The following FBXO36 variants were observed in gnomAD, a reference collection of about 807,000 sequenced individuals.
The protein encoded by FBXO36 is F-box protein 36, also known as F-box only protein 36.
FBXO36 carries 18 observed loss-of-function variants against 17.0 expected under a neutral mutation model. The observed-to-expected ratio is 1.06, with a 90% CI of 0.73 to 1.57. The LOEUF (loss-of-function observed/expected upper bound fraction) is 1.57. FBXO36 is among the 40% of genes most tolerant of loss of function. The pLI, the probability that FBXO36 is intolerant of heterozygous loss-of-function variation, is 0.00. For synonymous variants in FBXO36, 83 were observed against 85.3 expected (o/e 0.97, Z 0.15); for missense variants, 229 against 221.9 (o/e 1.03, Z -0.20).
At chr2:230,001,432 C>CGTCT (rs2077358057) in intron 3 of FBXO36, among the ~76,000 whole-genome samples, 1 of 151,752 alleles carries the variant, frequency 6.6e-6, no homozygotes, top group Non-Finnish European at 1.5e-5. Context: ...GGATTACAGG[C>CGTCT]ACCCACCACT....
chr2:229,986,469 A>C (rs1443642566), intron 2 of FBXO36, among the ~76,000 whole-genome samples: 2 of 152,100 alleles, frequency 1.3e-5, no homozygotes, highest in African/African-American at 4.8e-5. Flanking sequence ...ACACTCCAGT[A>C]TGGGCAACAG....
chr2:229,922,628 T>C lies in FBXO36; in HGVS notation c.96+19T>C, dbSNP rs1239447062. On this transcript the variant is annotated intron_variant, in intron 1 of 3. Coordinates refer to ENST00000283946, the MANE Select transcript of FBXO36 (RefSeq NM_174899.5). Reference sequence around the variant, plus strand: ...GTCTCAGGCAAGTGCGAGCCGCGGTTTACCCTCTCTCCTAACTCCCTACCT... The same window carrying C: ...GTCTCAGGCAAGTGCGAGCCGCGGTCTACCCTCTCTCCTAACTCCCTACCT... 6.2e-7 allele frequency: 1 copy of C among 1,612,896 alleles called. No homozygotes were observed. The highest frequency in any genetic ancestry group is 1.7e-5 in the Admixed American group (1 of 59,974).
chr2:229,957,162 C>A (rs896492703), intron 1 of FBXO36, among the ~76,000 whole-genome samples: 1 of 152,162 alleles, frequency 6.6e-6, no homozygotes, highest in Non-Finnish European at 1.5e-5. Flanking sequence ...ATTCTTTTCA[C>A]TAGCAGATAG....
At chr2:229,991,566 T>C (rs1405254483) in intron 2 of FBXO36, among the ~76,000 whole-genome samples, 1 of 152,220 alleles carries the variant, frequency 6.6e-6, no homozygotes, top group Non-Finnish European at 1.5e-5. Flanking sequence ...AGCTGTAGAA[T>C]GAAAGCTACC....
At chr2:230,001,241 C>T (rs528733844) in intron 3 of FBXO36, among the ~76,000 whole-genome samples, 2 of 152,190 alleles carry the variant, frequency 1.3e-5, no homozygotes, top group South Asian at 4.2e-4. Context: ...ATCTCTGTTC[C>T]ATTTACCTGT....
chr2:229,932,140 A>C (rs2076941898), intron 1 of FBXO36, among the ~76,000 whole-genome samples: 1 of 152,148 alleles, frequency 6.6e-6, no homozygotes, highest in South Asian at 2.1e-4. Context: ...CCAGCACTTC[A>C]GGAGGACGAG....
intron 1 of FBXO36, among the ~76,000 whole-genome samples, chr2:229,924,430 CTAACA>C (rs999827563): frequency 1.2e-4 from 19 of 152,174 alleles, no homozygotes; most frequent in African/African-American, 4.1e-4. Context: ...TCTTCACCTC[CTAACA>C]TGAGTGGTCA....
At chr2:229,939,034 C>A (rs1294820487) in intron 1 of FBXO36, 1 of 154,610 alleles carries the variant, frequency 6.5e-6, no homozygotes, top group African/African-American at 2.5e-5. Flanking sequence ...AAAACAGATA[C>A]ACCTTTTTTT....
rs117080426 is a variant in FBXO36, at chr2:229,957,771, G to A, written c.97-18470G>A. ...ATGTTTGTCTGATCCAAAGTTAACT[G>A]TCAGCTTCTCAACCAGCTGGACCTG... On this transcript the variant is annotated intron_variant, in intron 1 of 3. Coordinates refer to ENST00000283946, the MANE Select transcript of FBXO36 (RefSeq NM_174899.5). Among the ~76,000 whole-genome samples the A allele has an allele frequency of 3.8e-4, 58 of 152,288 alleles. No individual in the cohort carries two copies. In the East Asian group the frequency reaches 0.01, roughly 27 times the overall value.
chr2:229,955,110 C>T (rs963805265), intron 1 of FBXO36, among the ~76,000 whole-genome samples: 1 of 152,178 alleles, frequency 6.6e-6, no homozygotes, highest in Admixed American at 6.5e-5. Context: ...CCTTGGCCTC[C>T]CAAAGTGTTG....
chr2:230,007,288 G>A (rs1560458684), intron 3 of FBXO36, among the ~76,000 whole-genome samples: 1 of 152,256 alleles, frequency 6.6e-6, no homozygotes, highest in East Asian at 1.9e-4. Flanking sequence ...AGATGGTCAT[G>A]ACAGGCATAT....
chr2:229,972,833 G>A (rs2077187608), intron 1 of FBXO36, among the ~76,000 whole-genome samples: 1 of 152,030 alleles, frequency 6.6e-6, no homozygotes, highest in African/African-American at 2.4e-5. Context: ...GGAGGCTGAG[G>A]CGGGAGGATC....
At chr2:229,971,265 G>A (rs1489271661) in intron 1 of FBXO36, among the ~76,000 whole-genome samples, 1 of 151,202 alleles carries the variant, frequency 6.6e-6, no homozygotes, top group East Asian at 1.9e-4. Flanking sequence ...TGAGGCAAGA[G>A]AATTGCTTGA....
Position 229,996,829 on chromosome 2 carries a change from A to C in FBXO36, c.284A>C (p.Glu95Ala). ...NLCKGKFDFL[E>A]RLSDDLLLTI... Reference sequence around the variant, plus strand: ...TGCAAAGGTAAATTTGACTTCCTTGAACGGCTCTCAGACGATTTGCTCCTG... The same window carrying C: ...TGCAAAGGTAAATTTGACTTCCTTGCACGGCTCTCAGACGATTTGCTCCTG... Residue 95 changes from glutamate (E) to alanine (A), a missense_variant, in exon 3 of 4, where the codon GAA becomes GCA. By Grantham distance (107) the Glu-to-Ala change is moderately radical. Transcript: ENST00000283946. The C allele has an allele frequency of 1.9e-6, 3 of 1,614,076 alleles. No homozygotes were observed. Among genetic ancestry groups the C allele is most frequent in the Non-Finnish European group, 2.5e-6 (3 of 1,180,016 alleles).
chr2:229,985,406 CTAGGTTT>C (rs766478811), intron 2 of FBXO36, among the ~76,000 whole-genome samples: 7 of 152,108 alleles, frequency 4.6e-5, no homozygotes, highest in Non-Finnish European at 8.8e-5. Flanking sequence ...TCCATTTTCT[CTAGGTTT>C]CTTTTTTAGA....
intron 1 of FBXO36, among the ~76,000 whole-genome samples, chr2:229,950,897 C>T (rs2077054164): frequency 6.6e-6 from 1 of 151,932 alleles, no homozygotes; most frequent in African/African-American, 2.4e-5. Flanking sequence ...TCTGGGATTA[C>T]AGGCATGCGC....
chr2:229,995,804 C>T (rs2077324080), intron 2 of FBXO36, among the ~76,000 whole-genome samples: 1 of 151,776 alleles, frequency 6.6e-6, no homozygotes, highest in Non-Finnish European at 1.5e-5. Context: ...GTTGGTCAGG[C>T]GGGTCTCGAA....
intron 2 of FBXO36, among the ~76,000 whole-genome samples, chr2:229,994,519 A>T (rs2077314798): frequency 1.3e-5 from 2 of 152,314 alleles, no homozygotes; most frequent in Non-Finnish European, 2.9e-5. Flanking sequence ...GAAATCAGAG[A>T]GCCCAACTTC....
At chr2:229,979,731 G>T (rs375647062) in intron 2 of FBXO36, among the ~76,000 whole-genome samples, 2 of 151,258 alleles carry the variant, frequency 1.3e-5, no homozygotes, top group East Asian at 3.9e-4. Flanking sequence ...AAAAAAAAAA[G>T]TCTGCTGGAT....
Sources: gnomAD v4.1 joint callset for allele counts (sites outside exome capture counted in the v4.1 genomes callset) on GRCh38, gnomAD v4.1.1 for gene constraint, MANE v1.5 for transcripts, NCBI Gene and HGNC (gene_info 2026-07-23, HGNC 2026-07-21) for gene names.